Variants in UBR4 observed in about 807,000 individuals in gnomAD.
UBR4 encodes ubiquitin protein ligase E3 component n-recognin 4.
In UBR4, 124 loss-of-function variants were observed where a neutral mutation model predicts 575.6. The observed-to-expected ratio is 0.22, with a 90% CI of 0.19 to 0.25. The LOEUF (loss-of-function observed/expected upper bound fraction) is 0.25. Ranked by LOEUF, UBR4 falls within the 10% of genes least tolerant of loss-of-function variation. UBR4 has a pLI of 1.00. For synonymous variants in UBR4, 2,455 were observed against 2,473.7 expected (o/e 0.99, Z 0.22); for missense variants, 4,818 against 6,478.8 (o/e 0.74, Z 8.80).
intron 105 of UBR4, 120 bp downstream of exon 105, chr1:19,076,620 G>C: frequency 7.4e-7 from 1 of 1,354,648 alleles, no homozygotes; most frequent in South Asian, 1.3e-5. Flanking sequence ...AGTGGCAGCT[G>C]ACAGGCTGGT....
rs2077886601 is a variant in UBR4, at chr1:19,095,006, T to A, written c.13646A>T (p.Glu4549Val). ...TLNLALVAEQ[E>V]SKDSGGAAVA... ...AGCTGCACCCCCACTGTCCTTGCTT[T>A]CTTGTTCAGCTACAAGGGCCTGTAG... is the stretch of plus-strand genomic sequence containing the variant. The change falls in exon 94 of 106, where the codon GAA becomes GTA. Residue 4549 changes from glutamate (E) to valine (V), a missense_variant. Glu to Val is a moderately radical substitution (Grantham distance 121, BLOSUM62 -2). This residue lies in a region of UBR4 where 165 missense variants were observed against 282.3 expected (regional missense o/e 0.58). Transcript: ENST00000375254. 6.2e-7 allele frequency: 1 copy of A among 1,614,062 alleles called. No individual in the cohort carries two copies. The highest frequency in any genetic ancestry group is 1.7e-5 in the Admixed American group (1 of 60,012).
Position 19,119,666 on chromosome 1 carries a change from TCTAGCAGGAG to T in UBR4, c.10336_10345del (p.Leu3446IlefsTer2). The stretch of plus-strand genomic sequence containing the variant: ...TTCTGGCCAGATGGACCACATCAGA[TCTAGCAGGAG>T]CTCCTGTTGAGATTTGCTGGAATTT... On this transcript the variant is annotated frameshift_variant, in exon 70 of 106. Coordinates refer to ENST00000375254, the MANE Select transcript of UBR4 (RefSeq NM_020765.3). LOFTEE classifies it high-confidence loss of function. 1 of 1,613,408 alleles carries T rather than the reference TCTAGCAGGAG, an allele frequency of 6.2e-7. No individual in the cohort carries two copies. Among genetic ancestry groups the T allele is most frequent in the Non-Finnish European group, 8.5e-7 (1 of 1,179,394 alleles).
rs2148890917 is a variant in UBR4 at position 19,093,808 on chromosome 1, A to C, written c.13937+141T>G. The C allele has an allele frequency of 2.0e-6, 2 of 1,002,430 alleles. No homozygotes were observed. Among genetic ancestry groups the C allele is most frequent in the Middle Eastern group, 3.0e-4 (1 of 3,284 alleles). The allele number at this position is 1,002,430 out of a possible 1,614,324, so 62.1% of individuals were successfully genotyped here. A position where few individuals can be genotyped will look rare whatever the true frequency, so the allele number is the denominator to read the frequency against. On this transcript the variant is annotated intron_variant, in intron 95 of 105. Coordinates refer to ENST00000375254, the MANE Select transcript of UBR4 (RefSeq NM_020765.3). This position sits in a 1 kb window ranked among gnomAD's most constrained non-coding sequence, Gnocchi z 4.8. ...AGTATATTTTAACTATTCACTTCCC[A>C]ACTAGACTGAGCTCCTTAAAAGCCA...
At chr1:19,207,682 G>GTA (rs1300257082) in intron 1 of UBR4, among the ~76,000 whole-genome samples, 2 of 151,912 alleles carry the variant, frequency 1.3e-5, no homozygotes, top group Admixed American at 1.3e-4. Flanking sequence ...TGATAGCAGG[G>GTA]TATAATTTGT....
intron 11 of UBR4, among the ~76,000 whole-genome samples, chr1:19,188,023 C>CA (rs2091712319): frequency 7.8e-6 from 1 of 128,996 alleles, no homozygotes; most frequent in Admixed American, 8.3e-5. Context: ...TGTCTCAAAA[C>CA]AAAAAATTAA....
chr1:19,128,104 T>C (rs2082021618), intron 62 of UBR4, 107 bp downstream of exon 62: 1 of 1,076,068 alleles, frequency 9.3e-7, no homozygotes, highest in South Asian at 1.3e-5. Context: ...CCTCAGTGGA[T>C]GGTTACCCCT....
chr1:19,090,243 T>A (rs998246416), intron 97 of UBR4, among the ~76,000 whole-genome samples: 1 of 152,324 alleles, frequency 6.6e-6, no homozygotes, highest in East Asian at 1.9e-4. Flanking sequence ...GTTGAATCTA[T>A]CCATGAACTA....
chr1:19,092,249 T>C (rs2077593487), intron 97 of UBR4, among the ~76,000 whole-genome samples: 1 of 150,802 alleles, frequency 6.6e-6, no homozygotes, highest in African/African-American at 2.4e-5. Context: ...TGGGGGAGAG[T>C]GGGGAAAGGA....
chr1:19,168,885 G>A (rs373571865), intron 27 of UBR4, among the ~76,000 whole-genome samples: 1 of 151,752 alleles, frequency 6.6e-6, no homozygotes, highest in Non-Finnish European at 1.5e-5. Flanking sequence ...GGCTGAGGCA[G>A]GAGAATGGTG....
rs1571577733 is a variant in UBR4, at chr1:19,183,729, C to A, written c.2184+82G>T. ...AGAGCAAGACTCCATCTCAAAAAAA[C>A]AAACAAACAAACAATTGGAGCTGCA... On this transcript the variant is annotated intron_variant, in intron 17 of 105. Coordinates refer to ENST00000375254, the MANE Select transcript of UBR4 (RefSeq NM_020765.3). 35 of 1,395,580 alleles carry A rather than the reference C, an allele frequency of 2.5e-5. No homozygotes were observed. In the South Asian group the frequency reaches 4.1e-4, roughly 16 times the overall value. 86.4% of individuals were successfully genotyped at this position (1,395,580 alleles called of 1,614,324 possible). A position where few individuals can be genotyped will look rare whatever the true frequency, so the allele number is the denominator to read the frequency against.
intron 66 of UBR4, among the ~76,000 whole-genome samples, chr1:19,122,275 CT>C (rs1450995641): frequency 6.6e-6 from 1 of 152,186 alleles, no homozygotes; most frequent in Non-Finnish European, 1.5e-5. Flanking sequence ...CTTCAGACTA[CT>C]CAATAAGGCA....
intron 1 of UBR4, among the ~76,000 whole-genome samples, chr1:19,206,528 G>A (rs1416834492): frequency 2.6e-5 from 4 of 152,054 alleles, no homozygotes; most frequent in Admixed American, 6.6e-5. Flanking sequence ...TAGAAACAGG[G>A]TTTCACCATG....
intron 49 of UBR4, chr1:19,149,679 A>T (rs1422385664): frequency 8.5e-7 from 1 of 1,181,328 alleles, no homozygotes; most frequent in South Asian, 1.4e-5. Context: ...ACAGAAGCAG[A>T]ATCAATGCAA....
chr1:19,081,635 CA>C (rs1238188214), intron 102 of UBR4, 62 bp from the exon 103 acceptor site: 9 of 1,583,378 alleles, frequency 5.7e-6, no homozygotes, highest in Non-Finnish European at 6.1e-6. Flanking sequence ...GCAGCAAGAG[CA>C]GGAAGAATTT....
In UBR4 at chr1:19,198,076, G is replaced by C. The variant is rs1180430274; in HGVS notation, c.649-27C>G. 8.1e-6 allele frequency: 13 copies of C among 1,604,376 alleles called. No homozygotes were observed. The Admixed American group carries it at 2.2e-4, about 27-fold the overall frequency. On this transcript the variant is annotated intron_variant, in intron 5 of 105. Transcript: ENST00000375254. ...TGAAAAGAAACATAAGGCCTGTCAA[G>C]ATACTATTATCTCTTCACCAAACCA... is the stretch of plus-strand genomic sequence containing the variant.
At chr1:19,127,813 C>A in intron 62 of UBR4, 74 bp from the exon 63 acceptor site, 1 of 1,234,588 alleles carries the variant, frequency 8.1e-7, no homozygotes. Context: ...AAGATCCCTT[C>A]AAGTCAAGCC....
At position 19,172,861 on chromosome 1, in the gene UBR4, C is replaced by T. The variant is rs763263059; in HGVS notation, c.3521+3G>A. 10 of 1,614,072 alleles carry T rather than the reference C, an allele frequency of 6.2e-6. No homozygotes were observed. In the South Asian group the frequency reaches 1.1e-4, roughly 18 times the overall value. ...GCATCTCTGGGCAGGCAGTTCGCCACACCTGGTGAACGATGCATAGGTGTC... is the reference window on the plus strand; with the variant it reads ...GCATCTCTGGGCAGGCAGTTCGCCATACCTGGTGAACGATGCATAGGTGTC... On this transcript the variant is annotated splice_donor_region_variant and intron_variant, in intron 25 of 105. Coordinates refer to ENST00000375254, the MANE Select transcript of UBR4 (RefSeq NM_020765.3).
Position 19,198,893 on chromosome 1 carries a change from A to G in UBR4, c.414T>C (p.Thr138=), listed in dbSNP as rs1054034675. 2.5e-6 allele frequency: 4 copies of G among 1,614,134 alleles called. No individual in the cohort carries two copies. Among genetic ancestry groups the G allele is most frequent in the Non-Finnish European group, 3.4e-6 (4 of 1,180,056 alleles). Residue 138 remains threonine (T), a synonymous_variant, in exon 4 of 106, where the codon ACT becomes ACC. Coordinates refer to ENST00000375254, the MANE Select transcript of UBR4 (RefSeq NM_020765.3). ...HLILLIKGLC[T]GCSRLDRTEI... The stretch of plus-strand genomic sequence containing the variant: ...CAGTTCTATCTAGTCGGCTACAGCC[A>G]GTGCACAGGCCCTTGATTAGGAGAA...
At chr1:19,189,270 G>C (rs2091847265) in intron 11 of UBR4, among the ~76,000 whole-genome samples, 1 of 152,168 alleles carries the variant, frequency 6.6e-6, no homozygotes, top group Non-Finnish European at 1.5e-5. Context: ...CGAGTAGTTT[G>C]ACAAAACATT....
Sources: gnomAD v4.1 joint callset for allele counts (sites outside exome capture counted in the v4.1 genomes callset) on GRCh38, gnomAD v4.1.1 for gene constraint, gnomAD v4.1.1 regional missense constraint, Gnocchi (gnomAD v3.1) non-coding constraint, MANE v1.5 for transcripts, NCBI Gene and HGNC (gene_info 2026-07-23, HGNC 2026-07-21) for gene names.